TRIM8: variants seen among roughly 807,000 people sequenced by gnomAD.
TRIM8 encodes tripartite motif containing 8, also known as E3 ubiquitin-protein ligase TRIM8.
In TRIM8, 9 loss-of-function variants were observed where a neutral mutation model predicts 55.7. The observed-to-expected ratio is 0.16, with a 90% CI of 0.10 to 0.28. The LOEUF (loss-of-function observed/expected upper bound fraction) is 0.28. TRIM8 is among the 10% of genes least tolerant of loss of function. The pLI is 1.00. For synonymous variants in TRIM8, 335 were observed against 333.3 expected, an observed-to-expected ratio of 1.01 and a Z score of -0.06; for missense variants, 556 against 736.4, an observed-to-expected ratio of 0.76 and a Z score of 2.83.
intron 1 of TRIM8, among the ~76,000 whole-genome samples, chr10:102,649,617 G>A (rs1453116218): frequency 2.6e-5 from 4 of 152,312 alleles, no homozygotes; most frequent in South Asian, 2.1e-4. Context: ...GCCCCAGAGC[G>A]CTGCTCTCTG....
rs1224480333 is a variant in TRIM8 at position 102,656,795 on chromosome 10, C to T, written c.1097C>T (p.Pro366Leu). ...TTCCTGCAGAGTGTCCCCCTGTACCCTTGCGGCGTGAGCAGCTCTGGGGCG... is the reference window on the plus strand; with the variant it reads ...TTCCTGCAGAGTGTCCCCCTGTACCTTTGCGGCGTGAGCAGCTCTGGGGCG... ...VPFLQSVPLYPCGVSSSGAEK... is the reference protein window; with the variant it reads ...VPFLQSVPLYLCGVSSSGAEK... The change falls in exon 6 of 6, where the codon CCT becomes CTT. Residue 366 changes from proline (P) to leucine (L), a missense_variant. This residue lies in a region of TRIM8 where 391 missense variants were observed against 441.0 expected (regional missense o/e 0.89). Coordinates refer to ENST00000643721, the MANE Select transcript of TRIM8 (RefSeq NM_030912.3). This position sits in a 1 kb window ranked among gnomAD's most constrained non-coding sequence, Gnocchi z 4.6. 1.3e-6 allele frequency: 2 copies of T among 1,520,520 alleles called. No individual in the cohort carries two copies. The highest frequency in any genetic ancestry group is 2.2e-5 in the Admixed American group (1 of 44,862). 94.2% of individuals were successfully genotyped at this position (1,520,520 alleles called of 1,614,324 possible).
chr10:102,646,743 A>G (rs1333029436), intron 1 of TRIM8, among the ~76,000 whole-genome samples: 1 of 152,110 alleles, frequency 6.6e-6, no homozygotes, highest in Non-Finnish European at 1.5e-5. Flanking sequence ...ATAAAGATGG[A>G]AGGGCTGGGG....
chr10:102,656,051 G>C lies in TRIM8; in HGVS notation c.901-55G>C, dbSNP rs887595342. 8.3e-6 allele frequency: 13 copies of C among 1,572,020 alleles called. No homozygotes were observed. Among genetic ancestry groups the C allele is most frequent in the Middle Eastern group, 1.7e-4 (1 of 5,970 alleles). On this transcript the variant is annotated intron_variant, in intron 3 of 5. Coordinates refer to ENST00000643721, the MANE Select transcript of TRIM8 (RefSeq NM_030912.3). The surrounding 1 kb of genome is among the most constrained non-coding windows in gnomAD (Gnocchi z 4.6). The stretch of plus-strand genomic sequence containing the variant: ...GCAGCTTTTGTCTTCCCCTCTCCCC[G>C]GGCTCTCCCTGGACTGCCTTTTCCA...
chr10:102,654,867 C>T, intron 2 of TRIM8, 119 bp downstream of exon 2: 1 of 934,950 alleles, frequency 1.1e-6, no homozygotes, highest in Non-Finnish European at 1.7e-6. Context: ...ATCAGTCATT[C>T]AATCAACTGC....
Position 102,657,348 on chromosome 10 carries a change from G to A in TRIM8, c.1650G>A (p.Thr550=), listed in dbSNP as rs779361850. The change falls in exon 6 of 6, where the codon ACG becomes ACA. Residue 550 remains threonine, a synonymous_variant. Coordinates refer to ENST00000643721, the MANE Select transcript of TRIM8 (RefSeq NM_030912.3). ...YGQPSTKHYV[T]S is the part of the protein sequence containing the mutation. ...AGCCGTCCACCAAACACTACGTGAC[G>A]AGCTAACGCCACGCAGGCGGCGGGG... The A allele has an allele frequency of 1.9e-6, 3 of 1,566,202 alleles. No individual in the cohort carries two copies. The highest frequency in any genetic ancestry group is 2.6e-6 in the Non-Finnish European group (3 of 1,152,312).
chr10:102,650,211 C>T (rs1428683191), intron 1 of TRIM8, among the ~76,000 whole-genome samples: 6 of 152,300 alleles, frequency 3.9e-5, no homozygotes, highest in South Asian at 2.1e-4. Context: ...AAGCCTCACC[C>T]GTCTGCCCAG....
rs1469009051 is a variant in TRIM8 at position 102,657,255 on chromosome 10, G to C, written c.1557G>C (p.Leu519=). 6.2e-7 allele frequency: 1 copy of C among 1,614,018 alleles called. No individual in the cohort carries two copies. The highest frequency in any genetic ancestry group is 2.2e-5 in the East Asian group (1 of 44,882). ...CCGTCCCCCAGTCCCTTCCCAGCCT[G>C]GCGGTCAGAGACTGGCTTGACGCCT... The part of the protein sequence containing the change: ...TPSVPQSLPS[L]AVRDWLDASQ... The change falls in exon 6 of 6, where the codon CTG becomes CTC. Residue 519 remains leucine, a synonymous_variant. Transcript: ENST00000643721.
chr10:102,645,264 A>G (rs2135974247), intron 1 of TRIM8, 77 bp downstream of exon 1: 1 of 1,376,030 alleles, frequency 7.3e-7, no homozygotes, highest in Non-Finnish European at 9.5e-7. Flanking sequence ...CCCCGGGACC[A>G]CCCATCCCGA....
chr10:102,657,778 C>T lies in TRIM8; in HGVS notation c.*424C>T, dbSNP rs1190476962. 2 of 164,624 alleles carry T rather than the reference C, an allele frequency of 1.2e-5. No homozygotes were observed. Among genetic ancestry groups the T allele is most frequent in the African/African-American group, 4.8e-5 (2 of 41,840 alleles). The allele number at this position is 164,624 out of a possible 1,614,324, so 10.2% of individuals were successfully genotyped here. On this transcript the variant is annotated 3_prime_UTR_variant, in exon 6 of 6. Coordinates refer to ENST00000643721, the MANE Select transcript of TRIM8 (RefSeq NM_030912.3). The stretch of plus-strand genomic sequence containing the variant: ...AACGCCCAGGGCCCCGGGCTTGTTT[C>T]TCCTCTTGTTTTCCTTTTGGGCAGT...
At chr10:102,654,888 C>A in intron 2 of TRIM8, 140 bp downstream of exon 2, 1 of 897,752 alleles carries the variant, frequency 1.1e-6, no homozygotes. Flanking sequence ...CCGTGGATGC[C>A]CACTGGTGCC....
chr10:102,657,371 G>A lies in TRIM8; in HGVS notation c.*17G>A, dbSNP rs1217208925. On this transcript the variant is annotated 3_prime_UTR_variant, in exon 6 of 6. Coordinates refer to ENST00000643721, the MANE Select transcript of TRIM8 (RefSeq NM_030912.3). ...ACGAGCTAACGCCACGCAGGCGGCG[G>A]GGCGCTGGGGAATCTTCCTCCCCAG... 6.5e-7 allele frequency: 1 copy of A among 1,534,044 alleles called. No individual in the cohort carries two copies. Among genetic ancestry groups the A allele is most frequent in the Admixed American group, 2.0e-5 (1 of 49,180 alleles).
At chr10:102,655,376 A>G (rs1564721849) in intron 3 of TRIM8, 63 bp downstream of exon 3, 2 of 1,470,122 alleles carry the variant, frequency 1.4e-6, no homozygotes, top group Admixed American at 4.0e-5. Context: ...TGAGATCTGC[A>G]GTTTCCTGCA....
chr10:102,654,933 G>C, intron 2 of TRIM8, 147 bp from the exon 3 acceptor site: 1 of 986,972 alleles, frequency 1.0e-6, no homozygotes, highest in Non-Finnish European at 1.6e-6. Context: ...TGCTACCAGT[G>C]GGGAACTGGC....
Position 102,657,626 on chromosome 10 carries a change from G to C in TRIM8, c.*272G>C. The C allele has an allele frequency of 2.6e-6, 1 of 387,102 alleles. No homozygotes were observed. Among genetic ancestry groups the C allele is most frequent in the Non-Finnish European group, 4.6e-6 (1 of 216,054 alleles). The allele number at this position is 387,102 out of a possible 1,614,324, so 24.0% of individuals were successfully genotyped here. On this transcript the variant is annotated 3_prime_UTR_variant, in exon 6 of 6. Coordinates refer to ENST00000643721, the MANE Select transcript of TRIM8 (RefSeq NM_030912.3). ...GAGATGGGAAAGTGTCTGTGTCGAG[G>C]CGCTGAGCTCTCTCTCTGTTTCTCC...
chr10:102,656,781 T>G lies in TRIM8; in HGVS notation c.1083T>G (p.Ser361Arg). The G allele has an allele frequency of 6.6e-7, 1 of 1,513,676 alleles. No individual in the cohort carries two copies. Among genetic ancestry groups the G allele is most frequent in the Non-Finnish European group, 8.8e-7 (1 of 1,131,860 alleles). 93.8% of individuals were successfully genotyped at this position (1,513,676 alleles called of 1,614,324 possible). ...PFSTPVPFLQ[S>R]VPLYPCGVSS... ...GCACGCCGGTGCCCTTCCTGCAGAG[T>G]GTCCCCCTGTACCCTTGCGGCGTGA... The change falls in exon 6 of 6, where the codon AGT becomes AGG. Residue 361 changes from serine (S) to arginine (R), a missense_variant. By Grantham distance (110) the Ser-to-Arg change is moderately radical. Around this residue, in one of 2 missense-constraint regions of TRIM8, gnomAD observed 391 missense variants for 441.0 expected, o/e 0.89. Transcript: ENST00000643721. This position sits in a 1 kb window ranked among gnomAD's most constrained non-coding sequence, Gnocchi z 4.6.
intron 1 of TRIM8, among the ~76,000 whole-genome samples, chr10:102,646,279 A>G (rs1412538328): frequency 6.6e-6 from 1 of 151,930 alleles, no homozygotes; most frequent in African/African-American, 2.4e-5. Flanking sequence ...TCCTCTCTGA[A>G]GCCCCACCTT....
At position 102,657,366 on chromosome 10, in the gene TRIM8, CGGCGG is replaced by C. The variant is rs763917208; in HGVS notation, c.*17_*21del. On this transcript the variant is annotated 3_prime_UTR_variant, in exon 6 of 6. Transcript: ENST00000643721. ...ACGTGACGAGCTAACGCCACGCAGG[CGGCGG>C]GGCGCTGGGGAATCTTCCTCCCCAG... The C allele has an allele frequency of 1.3e-6, 2 of 1,540,508 alleles. No homozygotes were observed. The highest frequency in any genetic ancestry group is 2.3e-5 in the East Asian group (1 of 43,982).
chr10:102,648,425 C>T lies in TRIM8; in HGVS notation c.570+3238C>T, dbSNP rs1042870474. On this transcript the variant is annotated intron_variant, in intron 1 of 5. Transcript: ENST00000643721. ...TGTGTTTCTGCATCGTCCCTGGTGTCCCAGAGCAAGGCCAGACATGTTGCT... is the reference window on the plus strand; with the variant it reads ...TGTGTTTCTGCATCGTCCCTGGTGTTCCAGAGCAAGGCCAGACATGTTGCT... 6.6e-5 allele frequency among the ~76,000 whole-genome samples: 10 copies of T among 152,226 alleles called. No homozygotes were observed. In the South Asian group the frequency reaches 1.2e-3, roughly 19 times the overall value.
At chr10:102,653,255 T>C (rs1193409860) in intron 1 of TRIM8, among the ~76,000 whole-genome samples, 2 of 152,144 alleles carry the variant, frequency 1.3e-5, no homozygotes, top group Non-Finnish European at 2.9e-5. Context: ...GCAGGGGTCA[T>C]GGAAAGTTTC....
Sources: allele counts gnomAD v4.1 joint callset (sites outside exome capture counted in the v4.1 genomes callset), GRCh38; gene constraint gnomAD v4.1.1; regional missense constraint gnomAD v4.1.1; non-coding constraint Gnocchi (gnomAD v3.1); transcripts MANE v1.5; gene names NCBI Gene and HGNC (gene_info 2026-07-23, HGNC 2026-07-21).